The following RARA variants were observed in gnomAD, a reference collection of about 807,000 sequenced individuals.
RARA encodes retinoic acid receptor alpha, also known as PML-DDX5-RARA fusion.
A neutral mutation model predicts 42.8 loss-of-function variants in RARA; 5 were observed. That is an observed-to-expected ratio of 0.12 (90% CI 0.06 to 0.25). The LOEUF is 0.25. RARA is among the 10% of genes least tolerant of loss of function. RARA has a pLI of 1.00. For missense variants in RARA, 402 were observed against 628.7 expected (o/e 0.64, Z 3.86); for synonymous variants, 256 against 259.5 (o/e 0.99, Z 0.13).
In RARA at chr17:40,354,358, C is replaced by T. The variant is rs748057828; in HGVS notation, c.864C>T (p.Asp288=). ...TPEQDTMTFS[D]GLTLNRTQMH... is the part of the protein sequence containing the mutation. The stretch of plus-strand genomic sequence containing the variant: ...AGCAGGACACCATGACCTTCTCGGA[C>T]GGGCTGACCCTGAACCGGACCCAGA... The change falls in exon 7 of 9, where the codon GAC becomes GAT. Residue 288 remains aspartate (D), a synonymous_variant. Transcript: ENST00000254066. The surrounding 1 kb of genome is among the most constrained non-coding windows in gnomAD (Gnocchi z 4.5). The T allele has an allele frequency of 1.5e-5, 24 of 1,614,192 alleles. No individual in the cohort carries two copies. Among genetic ancestry groups the T allele is most frequent in the East Asian group, 2.2e-5 (1 of 44,878 alleles).
chr17:40,341,613 G>T (rs2034044259), intron 2 of RARA: 3 of 1,354,484 alleles, frequency 2.2e-6, no homozygotes, highest in Non-Finnish European at 9.5e-7. Context: ...GTCACGGGCA[G>T]CGGTGGGTGG....
In RARA at chr17:40,352,220, A is replaced by G. The variant is rs996735546; in HGVS notation, c.631-111A>G. 3 of 1,499,726 alleles carry G rather than the reference A, an allele frequency of 2.0e-6. No individual in the cohort carries two copies. Among genetic ancestry groups the G allele is most frequent in the African/African-American group, 2.8e-5 (2 of 71,170 alleles). 92.9% of individuals were successfully genotyped at this position (1,499,726 alleles called of 1,614,324 possible). A position where few individuals can be genotyped will look rare whatever the true frequency, so the allele number is the denominator to read the frequency against. On this transcript the variant is annotated intron_variant, in intron 5 of 8. Transcript: ENST00000254066. This position sits in a 1 kb window ranked among gnomAD's most constrained non-coding sequence, Gnocchi z 4.9. ...TCCCTCCTCCTGCTGCCTCTTCCCA[A>G]GGAGCTCCCAGGAAGTGAAGGCTGG... is the stretch of plus-strand genomic sequence containing the variant.
At chr17:40,333,090 C>T (rs981854158) in intron 2 of RARA, among the ~76,000 whole-genome samples, 1 of 152,212 alleles carries the variant, frequency 6.6e-6, no homozygotes, top group Non-Finnish European at 1.5e-5. Flanking sequence ...TGCTCTGTCA[C>T]CGAGGCTGGA....
intron 2 of RARA, among the ~76,000 whole-genome samples, chr17:40,335,626 G>T (rs1418371838): frequency 6.6e-6 from 1 of 151,998 alleles, no homozygotes; most frequent in African/African-American, 2.4e-5. Flanking sequence ...GGAGGCAGAG[G>T]TTGCAGTAAA....
intron 2 of RARA, chr17:40,341,435 A>G: frequency 6.6e-7 from 1 of 1,525,034 alleles, no homozygotes; most frequent in Non-Finnish European, 8.8e-7. Flanking sequence ...ATTCCGACAC[A>G]GCGTCCGAGC....
At chr17:40,319,789 G>A (rs2033322601) in intron 1 of RARA, among the ~76,000 whole-genome samples, 1 of 152,314 alleles carries the variant, frequency 6.6e-6, no homozygotes, top group African/African-American at 2.4e-5. Context: ...GAGTGGGGGT[G>A]GCTTGGAGCC....
intron 1 of RARA, among the ~76,000 whole-genome samples, chr17:40,311,296 C>T (rs2033091570): frequency 6.6e-6 from 1 of 152,062 alleles, no homozygotes; most frequent in Non-Finnish European, 1.5e-5. Context: ...CCACCTTGGG[C>T]CTGCTGATTT....
chr17:40,323,311 C>G (rs539821659), intron 1 of RARA: 2 of 152,434 alleles, frequency 1.3e-5, no homozygotes. Flanking sequence ...GGGTTCCTCT[C>G]GCTCATAGAG....
rs1014712091 is a variant in RARA, at chr17:40,351,185, T to C, written c.470-725T>C. Reference sequence around the variant, plus strand: ...CTTTATTGAATTTGCAGAATCGACATGAGTGATCTCCAAATTATGCCAGCT... The same window carrying C: ...CTTTATTGAATTTGCAGAATCGACACGAGTGATCTCCAAATTATGCCAGCT... On this transcript the variant is annotated intron_variant, in intron 4 of 8. Transcript: ENST00000254066. The surrounding 1 kb of genome is among the most constrained non-coding windows in gnomAD (Gnocchi z 4.1). 3.1e-4 allele frequency among the ~76,000 whole-genome samples: 47 copies of C among 151,704 alleles called. No homozygotes were observed. Among genetic ancestry groups the C allele is most frequent in the Non-Finnish European group, 1.9e-4 (13 of 67,902 alleles).
rs1052449765 is a variant in RARA, at chr17:40,354,583, C to A, written c.1012+77C>A. ...TGGAGTCTCTTCCAGGGAGCTCTTT[C>A]AGGCCACCTCTGTTAGGTATCTCTA... On this transcript the variant is annotated intron_variant, in intron 7 of 8. Coordinates refer to ENST00000254066, the MANE Select transcript of RARA (RefSeq NM_000964.4). The surrounding 1 kb of genome is among the most constrained non-coding windows in gnomAD (Gnocchi z 4.5). 11 of 1,500,078 alleles carry A rather than the reference C, an allele frequency of 7.3e-6. No homozygotes were observed. In the African/African-American group the frequency reaches 1.5e-4, roughly 21 times the overall value. 92.9% of individuals were successfully genotyped at this position (1,500,078 alleles called of 1,614,324 possible).
At position 40,356,302 on chromosome 17, in the gene RARA, C is replaced by T. The variant is rs752624786; in HGVS notation, c.*76C>T. ...TGCCTTTCTACCGACCATGTGACCC[C>T]GCACCAGCCCTGCCCCCACCTGCCC... On this transcript the variant is annotated 3_prime_UTR_variant, in exon 9 of 9. Transcript: ENST00000254066. 103 of 1,435,168 alleles carry T rather than the reference C, an allele frequency of 7.2e-5. 1 individual carries two copies. Among genetic ancestry groups the T allele is most frequent in the South Asian group, 6.6e-4 (54 of 81,978 alleles). The allele number at this position is 1,435,168 out of a possible 1,614,324, so 88.9% of individuals were successfully genotyped here.
rs1046656669 is a variant in RARA at position 40,352,318 on chromosome 17, C to T, written c.631-13C>T. 2.5e-6 allele frequency: 4 copies of T among 1,586,120 alleles called. No individual in the cohort carries two copies. The African/African-American group carries it at 4.0e-5, about 16-fold the overall frequency. On this transcript the variant is annotated splice_polypyrimidine_tract_variant and intron_variant, in intron 5 of 8. Coordinates refer to ENST00000254066, the MANE Select transcript of RARA (RefSeq NM_000964.4). This position sits in a 1 kb window ranked among gnomAD's most constrained non-coding sequence, Gnocchi z 4.9. ...CATGGAGAAGAAGGCCCTCACTCTC[C>T]CTCCTCCCCCAGAACAACAGCTCAG...
chr17:40,310,807 C>T (rs1017120400), intron 1 of RARA, among the ~76,000 whole-genome samples: 4 of 152,034 alleles, frequency 2.6e-5, no homozygotes, highest in South Asian at 2.1e-4. Context: ...GACAATGTAT[C>T]GTAAAGCTCA....
At chr17:40,314,180 A>AGGGGGGGGGGGGG (rs2033147498) in intron 1 of RARA, among the ~76,000 whole-genome samples, 5 of 5,010 alleles carry the variant, frequency 1.0e-3, no homozygotes, top group African/African-American at 2.2e-3. Context: ...TGGCGGGTGG[A>AGGGGGGGGGGGGG]GGGGTGGGGT....
intron 1 of RARA, among the ~76,000 whole-genome samples, 168 bp downstream of exon 1, chr17:40,309,454 A>G (rs2033054758): frequency 6.6e-6 from 1 of 152,088 alleles, no homozygotes. Context: ...GGGTGTCTGA[A>G]AGCTCAGAGC....
intron 1 of RARA, among the ~76,000 whole-genome samples, chr17:40,325,207 C>A (rs1418932836): frequency 6.6e-6 from 1 of 151,580 alleles, no homozygotes; most frequent in African/African-American, 2.4e-5. Context: ...GCCGAGATTG[C>A]GCCATTGCAC....
intron 4 of RARA, 109 bp downstream of exon 4, chr17:40,350,034 G>T: frequency 6.8e-7 from 1 of 1,470,482 alleles, no homozygotes; most frequent in Non-Finnish European, 9.2e-7. Flanking sequence ...GCATGAACAC[G>T]CATGCCGTGG....
chr17:40,329,016 T>A (rs2033620167), intron 1 of RARA, among the ~76,000 whole-genome samples: 1 of 152,196 alleles, frequency 6.6e-6, no homozygotes, highest in African/African-American at 2.4e-5. Flanking sequence ...GCTATTCTAT[T>A]TTACATTCCC....
chr17:40,356,597 C>A lies in RARA; in HGVS notation c.*371C>A, dbSNP rs1323586993. On this transcript the variant is annotated 3_prime_UTR_variant, in exon 9 of 9. Coordinates refer to ENST00000254066, the MANE Select transcript of RARA (RefSeq NM_000964.4). ...ACTTGGCTCCCCCATCCTCAGAACTCACAAGCCATTGCTCCCCAGCTGGGG... is the reference window on the plus strand; with the variant it reads ...ACTTGGCTCCCCCATCCTCAGAACTAACAAGCCATTGCTCCCCAGCTGGGG... The A allele has an allele frequency of 1.1e-5, 6 of 560,680 alleles. No homozygotes were observed. Among genetic ancestry groups the A allele is most frequent in the Admixed American group, 2.2e-5 (1 of 45,460 alleles). The allele number at this position is 560,680 out of a possible 1,614,324, so 34.7% of individuals were successfully genotyped here.
Sources: gnomAD v4.1 joint callset for allele counts (sites outside exome capture counted in the v4.1 genomes callset) on GRCh38, gnomAD v4.1.1 for gene constraint, Gnocchi (gnomAD v3.1) non-coding constraint, MANE v1.5 for transcripts, NCBI Gene and HGNC (gene_info 2026-07-23, HGNC 2026-07-21) for gene names.